Variants in EPHA6 observed in about 807,000 individuals in gnomAD.
EPHA6 encodes the protein ephrin type-A receptor 6.
EPHA6 carries 50 observed loss-of-function variants against 112.0 expected under a neutral mutation model. That is an observed-to-expected ratio of 0.45 (90% confidence interval 0.36 to 0.56). The LOEUF is 0.56. Among genes scored for constraint, EPHA6 ranks in the 20% least tolerant of loss-of-function variants. The probability of loss-of-function intolerance (pLI) is 0.00; values close to 1 mark genes in which losing one functional copy is unlikely to be tolerated. For synonymous variants in EPHA6, 529 were observed against 490.7 expected (o/e 1.08, Z -1.03); for missense variants, 1,280 against 1,417.4 (o/e 0.90, Z 1.56).
At chr3:97,592,032 G>A (rs973292271) in intron 11 of EPHA6, among the ~76,000 whole-genome samples, 2 of 152,174 alleles carry the variant, frequency 1.3e-5, no homozygotes, top group Non-Finnish European at 2.9e-5. Flanking sequence ...GAAAAAGCAT[G>A]TGGTTTTACC....
intron 14 of EPHA6, among the ~76,000 whole-genome samples, chr3:97,713,675 CTG>C (rs1463267226): frequency 1.3e-5 from 2 of 152,200 alleles, no homozygotes; most frequent in African/African-American, 2.4e-5. Flanking sequence ...ACACATATGA[CTG>C]TGTCTACATG....
At chr3:96,982,484 C>T (rs1383821414) in intron 2 of EPHA6, among the ~76,000 whole-genome samples, 3 of 152,146 alleles carry the variant, frequency 2.0e-5, no homozygotes, top group Middle Eastern at 3.4e-3. Context: ...ACTATGTGGT[C>T]AATTTTGGAA....
chr3:97,031,962 AT>A (rs959239083), intron 3 of EPHA6, among the ~76,000 whole-genome samples: 6 of 151,660 alleles, frequency 4.0e-5, no homozygotes, highest in African/African-American at 1.5e-4. Context: ...TACCCAAAGG[AT>A]TATAAATTAT....
intron 6 of EPHA6, among the ~76,000 whole-genome samples, chr3:97,408,120 G>C (rs1029937691): frequency 6.6e-6 from 1 of 152,020 alleles, no homozygotes. Context: ...GAGGAGAAAA[G>C]CAAAGAGAGG....
intron 5 of EPHA6, among the ~76,000 whole-genome samples, chr3:97,317,173 G>A (rs1465712174): frequency 6.6e-6 from 1 of 151,690 alleles, no homozygotes; most frequent in Non-Finnish European, 1.5e-5. Context: ...AAGGCCAACT[G>A]TGTCACTGTC....
chr3:97,688,044 G>T (rs2032381578), intron 14 of EPHA6, among the ~76,000 whole-genome samples: 1 of 152,154 alleles, frequency 6.6e-6, no homozygotes, highest in Admixed American at 6.5e-5. Context: ...GGGGAAATAT[G>T]CTTCATTCCC....
chr3:97,101,543 A>C (rs923712822), intron 3 of EPHA6, among the ~76,000 whole-genome samples: 2 of 151,988 alleles, frequency 1.3e-5, no homozygotes, highest in African/African-American at 4.8e-5. Flanking sequence ...GCCCATTTGG[A>C]GTTCCTGTTC....
At chr3:97,692,525 T>C (rs1272801429) in intron 14 of EPHA6, among the ~76,000 whole-genome samples, 2 of 152,182 alleles carry the variant, frequency 1.3e-5, no homozygotes, top group Non-Finnish European at 2.9e-5. Context: ...CTGAACCAAT[T>C]GACCCTTCAG....
At chr3:97,475,212 C>T (rs368871643) in intron 7 of EPHA6, 140 bp from the exon 8 acceptor site, 92 of 615,144 alleles carry the variant, frequency 1.5e-4, no homozygotes, top group Middle Eastern at 5.2e-4. Context: ...TTGCTTCATA[C>T]GTGTCAAATA....
intron 11 of EPHA6, among the ~76,000 whole-genome samples, chr3:97,570,210 A>G (rs1409588968): frequency 6.6e-6 from 1 of 152,234 alleles, no homozygotes; most frequent in South Asian, 2.1e-4. Flanking sequence ...GATTCATAGA[A>G]GCAAGTGGCC....
At chr3:96,845,443 A>G (rs980956993) in intron 1 of EPHA6, among the ~76,000 whole-genome samples, 5 of 151,950 alleles carry the variant, frequency 3.3e-5, no homozygotes, top group Non-Finnish European at 5.9e-5. Context: ...TCCTCACATC[A>G]GTAACTCTGA....
At chr3:97,621,965 G>A in intron 13 of EPHA6, among the ~76,000 whole-genome samples, 1 of 151,856 alleles carries the variant, frequency 6.6e-6, no homozygotes, top group Non-Finnish European at 1.5e-5. Flanking sequence ...TGGATGAGAT[G>A]TCAAGGCAAG....
chr3:97,473,976 T>G (rs1294348591), intron 7 of EPHA6, among the ~76,000 whole-genome samples: 1 of 151,890 alleles, frequency 6.6e-6, no homozygotes, highest in African/African-American at 2.4e-5. Flanking sequence ...AAACTGAACA[T>G]AAATGACTTC....
At chr3:97,006,325 T>C (rs559357199) in intron 3 of EPHA6, among the ~76,000 whole-genome samples, 5 of 152,302 alleles carry the variant, frequency 3.3e-5, no homozygotes, top group Middle Eastern at 6.8e-3. Context: ...GGGATTCAAC[T>C]TCTTCCTGGT....
intron 3 of EPHA6, among the ~76,000 whole-genome samples, chr3:97,173,146 G>A (rs2076745128): frequency 6.6e-6 from 1 of 151,826 alleles, no homozygotes; most frequent in Non-Finnish European, 1.5e-5. Context: ...ACTTGGACAA[G>A]TTAGATAACC....
rs115572233 is a variant in EPHA6, at chr3:96,951,163, G to T, written c.451-36167G>T. ...TAGAAAGTAGGTTTTCTCCAGCATG[G>T]TCAGTAATATTCTGCCAACCAGAGA... is the stretch of plus-strand genomic sequence containing the variant. On this transcript the variant is annotated intron_variant, in intron 2 of 17. Coordinates refer to ENST00000389672, the MANE Select transcript of EPHA6 (RefSeq NM_001080448.3). Among the ~76,000 whole-genome samples the T allele has an allele frequency of 9.2e-3, 1,405 of 152,046 alleles. 9 individuals are homozygous for T. Among genetic ancestry groups the T allele is most frequent in the Middle Eastern group, 0.024 (7 of 294 alleles).
chr3:97,031,071 T>C (rs999401050), intron 3 of EPHA6, among the ~76,000 whole-genome samples: 1 of 151,652 alleles, frequency 6.6e-6, no homozygotes, highest in Non-Finnish European at 1.5e-5. Flanking sequence ...TTTTTAGAAG[T>C]GTACCAGTAC....
At chr3:97,702,269 T>A (rs1271398905) in intron 14 of EPHA6, among the ~76,000 whole-genome samples, 1 of 152,174 alleles carries the variant, frequency 6.6e-6, no homozygotes, top group African/African-American at 2.4e-5. Flanking sequence ...ATAAAGAACT[T>A]TTTTCTCCTT....
At chr3:97,603,733 A>T (rs1299806820) in intron 12 of EPHA6, among the ~76,000 whole-genome samples, 1 of 151,966 alleles carries the variant, frequency 6.6e-6, no homozygotes, top group Non-Finnish European at 1.5e-5. Context: ...TATATGTTAT[A>T]GTATGTTATT....
Sources: allele counts gnomAD v4.1 joint callset (sites outside exome capture counted in the v4.1 genomes callset), GRCh38; gene constraint gnomAD v4.1.1; transcripts MANE v1.5; gene names NCBI Gene and HGNC (gene_info 2026-07-23, HGNC 2026-07-21).